RPTOR: variants seen among roughly 807,000 people sequenced by gnomAD.
RPTOR encodes the protein regulatory associated protein of MTOR complex 1.
RPTOR carries 21 observed loss-of-function variants against 169.9 expected under a neutral mutation model. The observed-to-expected ratio is 0.12, with a 90% CI of 0.09 to 0.18. RPTOR has a LOEUF of 0.18. Ranked by LOEUF, RPTOR falls within the 10% of genes least tolerant of loss-of-function variation. RPTOR has a pLI of 1.00. For synonymous variants in RPTOR, 732 were observed against 753.2 expected, an observed-to-expected ratio of 0.97 and a Z score of 0.46; for missense variants, 1,133 against 1,855.9, an observed-to-expected ratio of 0.61 and a Z score of 7.16.
At chr17:80,589,323 G>C (rs1262821477) in intron 1 of RPTOR, among the ~76,000 whole-genome samples, 1 of 152,020 alleles carries the variant, frequency 6.6e-6, no homozygotes, top group East Asian at 1.9e-4. Flanking sequence ...CTGTTCCGGG[G>C]GTACTTCTCT....
intron 3 of RPTOR, among the ~76,000 whole-genome samples, chr17:80,690,089 C>T (rs1412070314): frequency 2.0e-5 from 3 of 152,038 alleles, no homozygotes; most frequent in African/African-American, 7.2e-5. Flanking sequence ...GTTTTTATGG[C>T]TTATTCATTT....
chr17:80,786,200 G>T (rs867783322), intron 6 of RPTOR, among the ~76,000 whole-genome samples: 1 of 152,156 alleles, frequency 6.6e-6, no homozygotes, highest in Non-Finnish European at 1.5e-5. Flanking sequence ...TATAGTGACC[G>T]CCATTTGCTT....
chr17:80,759,439 A>G (rs896663438), intron 6 of RPTOR, among the ~76,000 whole-genome samples: 3 of 152,170 alleles, frequency 2.0e-5, no homozygotes, highest in Non-Finnish European at 4.4e-5. Context: ...TTTGAAATCA[A>G]TATGCCACAG....
chr17:80,688,957 T>C (rs760197004), intron 3 of RPTOR, among the ~76,000 whole-genome samples: 2 of 152,120 alleles, frequency 1.3e-5, no homozygotes, highest in African/African-American at 4.8e-5. Flanking sequence ...CCTCAAGGGG[T>C]AGAGGTGGCC....
At chr17:80,747,447 C>T (rs1349915387) in intron 5 of RPTOR, among the ~76,000 whole-genome samples, 2 of 152,294 alleles carry the variant, frequency 1.3e-5, no homozygotes, top group East Asian at 3.9e-4. Context: ...TATACATCAA[C>T]GTACTTTGGG....
intron 27 of RPTOR, among the ~76,000 whole-genome samples, chr17:80,948,117 G>T (rs73357870): frequency 0.11 from 17,469 of 152,262 alleles, 2,508 homozygotes; most frequent in African/African-American, 0.34. Context: ...GGAGGCAGGC[G>T]GGGGAGGCCA....
chr17:80,654,515 T>C (rs1405204760), intron 3 of RPTOR, among the ~76,000 whole-genome samples: 1 of 152,188 alleles, frequency 6.6e-6, no homozygotes, highest in East Asian at 1.9e-4. Flanking sequence ...GAGGCTGCCC[T>C]CTAGAATCAC....
chr17:80,568,470 T>G (rs1253840626), intron 1 of RPTOR, among the ~76,000 whole-genome samples: 1 of 152,194 alleles, frequency 6.6e-6, no homozygotes, highest in Non-Finnish European at 1.5e-5. Flanking sequence ...TGTAATATTC[T>G]TTTTCTCCTC....
At position 80,769,845 on chromosome 17, in the gene RPTOR, G is replaced by A. The variant is rs186062000; in HGVS notation, c.830+15660G>A. Among the ~76,000 whole-genome samples the A allele has an allele frequency of 1.4e-3, 214 of 152,276 alleles. 1 individual carries two copies. The highest frequency in any genetic ancestry group is 4.8e-3 in the African/African-American group (199 of 41,560). ...GTGGCCAGGACACGAGAGGGAGGGC[G>A]GGGTCCGTGACCATGAAGCTCGAGC... On this transcript the variant is annotated intron_variant, in intron 6 of 33. Transcript: ENST00000306801.
intron 2 of RPTOR, among the ~76,000 whole-genome samples, chr17:80,641,580 A>G (rs922929950): frequency 2.0e-5 from 3 of 152,376 alleles, no homozygotes; most frequent in East Asian, 1.9e-4. Context: ...GACGACTGCA[A>G]TAAGTGAGCT....
intron 13 of RPTOR, among the ~76,000 whole-genome samples, chr17:80,874,446 C>T (rs941662377): frequency 1.3e-5 from 2 of 152,130 alleles, no homozygotes; most frequent in Admixed American, 6.5e-5. Flanking sequence ...CCACCCGCCT[C>T]GGCCTCCCAA....
chr17:80,568,570 A>G (rs2064870236), intron 1 of RPTOR, among the ~76,000 whole-genome samples: 1 of 152,146 alleles, frequency 6.6e-6, no homozygotes. Flanking sequence ...TAGCCTGCTT[A>G]TGGTTTGTTG....
intron 1 of RPTOR, among the ~76,000 whole-genome samples, chr17:80,594,571 T>C (rs1008166346): frequency 6.6e-6 from 1 of 152,266 alleles, no homozygotes; most frequent in South Asian, 2.1e-4. Context: ...GCAACGCTGT[T>C]GCAGGATTTC....
intron 28 of RPTOR, among the ~76,000 whole-genome samples, chr17:80,956,117 ACCT>A (rs1021764924): frequency 2.6e-5 from 4 of 152,068 alleles, no homozygotes; most frequent in Non-Finnish European, 5.9e-5. Context: ...AAGCAGGAAA[ACCT>A]CAGCAGCCCC....
At chr17:80,773,824 G>T in intron 6 of RPTOR, 1 of 985,410 alleles carries the variant, frequency 1.0e-6, no homozygotes, top group Non-Finnish European at 1.2e-6. Context: ...GAAGAGGAAC[G>T]CTTGGTGCCT....
chr17:80,816,413 A>C (rs1036194412), intron 7 of RPTOR, among the ~76,000 whole-genome samples: 5 of 152,286 alleles, frequency 3.3e-5, no homozygotes, highest in Non-Finnish European at 7.4e-5. Context: ...GGACTCTTGG[A>C]GTGGGGACCA....
At chr17:80,791,592 T>C in intron 7 of RPTOR, 83 bp downstream of exon 7, 2 of 1,209,244 alleles carry the variant, frequency 1.7e-6, no homozygotes, top group Non-Finnish European at 1.2e-6. Context: ...TTCTCAGAAG[T>C]ACTTTCTATC....
At chr17:80,810,400 GCTAT>G (rs57020862) in intron 7 of RPTOR, among the ~76,000 whole-genome samples, 23,986 of 151,956 alleles carry the variant, frequency 0.16, 1,944 homozygotes, top group Middle Eastern at 0.22. Context: ...TGTGGAAGAG[GCTAT>G]CTTTTTGTCA....
intron 1 of RPTOR, among the ~76,000 whole-genome samples, chr17:80,598,203 C>T (rs1434341533): frequency 1.3e-5 from 2 of 152,006 alleles, no homozygotes; most frequent in African/African-American, 4.8e-5. Context: ...CCAGTGGATA[C>T]GGTCACCCAA....
Sources: gnomAD v4.1 joint callset for allele counts (sites outside exome capture counted in the v4.1 genomes callset) on GRCh38, gnomAD v4.1.1 for gene constraint, MANE v1.5 for transcripts, NCBI Gene and HGNC (gene_info 2026-07-23, HGNC 2026-07-21) for gene names.